Variants in LDLRAD3 observed in about 807,000 individuals in gnomAD.
LDLRAD3 encodes the protein low-density lipoprotein receptor class A domain-containing protein 3.
Under a neutral mutation model 29.4 loss-of-function variants are expected in LDLRAD3, and 20 were observed. The ratio of observed to expected loss-of-function variants is 0.68; its 90% CI spans 0.48 to 0.99. LDLRAD3 has a LOEUF of 0.99. Among genes scored for constraint, LDLRAD3 ranks in the 50% least tolerant of loss-of-function variants. The pLI is 0.00. For missense variants in LDLRAD3, 420 were observed against 454.3 expected (o/e 0.92, Z 0.69); for synonymous variants, 157 against 192.7 (o/e 0.81, Z 1.53).
At chr11:36,185,974 T>G (rs1465492562) in intron 4 of LDLRAD3, among the ~76,000 whole-genome samples, 1 of 152,182 alleles carries the variant, frequency 6.6e-6, no homozygotes, top group Non-Finnish European at 1.5e-5. Flanking sequence ...TTTTATATAT[T>G]AGAGGCCACA....
At chr11:35,993,838 T>A (rs1428090371) in intron 1 of LDLRAD3, among the ~76,000 whole-genome samples, 2 of 152,038 alleles carry the variant, frequency 1.3e-5, no homozygotes, top group Non-Finnish European at 2.9e-5. Flanking sequence ...CATAAGCAGG[T>A]CTGTTTTTTT....
intron 4 of LDLRAD3, among the ~76,000 whole-genome samples, chr11:36,174,202 C>G (rs1345792065): frequency 6.6e-6 from 1 of 152,174 alleles, no homozygotes; most frequent in Non-Finnish European, 1.5e-5. Flanking sequence ...ACACCTTACA[C>G]AAAAATTAAT....
chr11:36,061,969 T>C (rs1852707143), intron 2 of LDLRAD3, among the ~76,000 whole-genome samples: 1 of 150,000 alleles, frequency 6.7e-6, no homozygotes, highest in Non-Finnish European at 1.5e-5. Flanking sequence ...CCAAGCCACT[T>C]TGGGAACTTA....
chr11:36,006,330 G>T (rs1004499812), intron 1 of LDLRAD3, among the ~76,000 whole-genome samples: 19 of 152,216 alleles, frequency 1.2e-4, no homozygotes, highest in Non-Finnish European at 2.9e-5. Flanking sequence ...TTAGCTGGAT[G>T]CTCTTGACTT....
intron 2 of LDLRAD3, among the ~76,000 whole-genome samples, chr11:36,066,300 T>C (rs1466420899): frequency 6.6e-6 from 1 of 152,142 alleles, no homozygotes; most frequent in Non-Finnish European, 1.5e-5. Flanking sequence ...TGAATCTCTG[T>C]GCTCACATCT....
intron 2 of LDLRAD3, among the ~76,000 whole-genome samples, chr11:36,055,410 A>T (rs1260330416): frequency 6.6e-6 from 1 of 152,030 alleles, no homozygotes; most frequent in Non-Finnish European, 1.5e-5. Flanking sequence ...AAGCCATGGT[A>T]TCCAGATATT....
chr11:36,125,994 T>TTGG (rs1487571267), intron 4 of LDLRAD3, among the ~76,000 whole-genome samples: 7 of 152,200 alleles, frequency 4.6e-5, no homozygotes, highest in African/African-American at 1.7e-4. Flanking sequence ...TGAGGCCGAT[T>TTGG]TGGAGACACT....
At chr11:36,017,800 A>G (rs1357399228) in intron 1 of LDLRAD3, among the ~76,000 whole-genome samples, 1 of 152,182 alleles carries the variant, frequency 6.6e-6, no homozygotes, top group Non-Finnish European at 1.5e-5. Context: ...CTGGAATTAT[A>G]GGCATGAGCC....
intron 1 of LDLRAD3, among the ~76,000 whole-genome samples, chr11:35,995,593 T>C (rs1355409094): frequency 6.6e-6 from 1 of 152,242 alleles, no homozygotes; most frequent in Non-Finnish European, 1.5e-5. Flanking sequence ...CCTGTGAAAT[T>C]TGAAGCCAGG....
At chr11:36,180,217 C>A (rs1197710640) in intron 4 of LDLRAD3, among the ~76,000 whole-genome samples, 6 of 152,026 alleles carry the variant, frequency 3.9e-5, no homozygotes, top group African/African-American at 1.4e-4. Context: ...AGCTCTTCTT[C>A]AGCTGGGATT....
At chr11:36,013,497 CT>C (rs1357934191) in intron 1 of LDLRAD3, among the ~76,000 whole-genome samples, 1 of 149,576 alleles carries the variant, frequency 6.7e-6, no homozygotes, top group African/African-American at 2.5e-5. Flanking sequence ...GTGATATTCC[CT>C]TCCCTGTGTC....
intron 2 of LDLRAD3, among the ~76,000 whole-genome samples, chr11:36,075,303 G>GCCTTTTTCCTTGGCCTTTTTGT (rs57679288): frequency 6.6e-6 from 1 of 151,854 alleles, no homozygotes; most frequent in Non-Finnish European, 1.5e-5. Flanking sequence ...CATTTCATAT[G>GCCTTTTTCCTTGGCCTTTTTGT]CCTTTCACTG....
chr11:36,098,294 T>G (rs1853393334), intron 3 of LDLRAD3, 33 bp from the exon 4 acceptor site: 1 of 1,612,012 alleles, frequency 6.2e-7, no homozygotes, highest in South Asian at 1.1e-5. Flanking sequence ...CTTGCTGGCC[T>G]CCCTGGTAAT....
intron 4 of LDLRAD3, among the ~76,000 whole-genome samples, chr11:36,201,700 A>AG (rs1263296592): frequency 6.6e-6 from 1 of 152,256 alleles, no homozygotes; most frequent in Non-Finnish European, 1.5e-5. Context: ...TTAAACTTCT[A>AG]GCTGGCTTAG....
At chr11:36,029,830 A>G (rs902343914) in intron 1 of LDLRAD3, among the ~76,000 whole-genome samples, 1 of 152,184 alleles carries the variant, frequency 6.6e-6, no homozygotes, top group Non-Finnish European at 1.5e-5. Flanking sequence ...ATAGCTATAC[A>G]AAGTGCAGAC....
chr11:36,226,501 T>C (rs1855500241), intron 4 of LDLRAD3, among the ~76,000 whole-genome samples: 1 of 152,370 alleles, frequency 6.6e-6, no homozygotes, highest in Non-Finnish European at 1.5e-5. Flanking sequence ...CTGGATAGCA[T>C]ATGATACTTT....
intron 4 of LDLRAD3, among the ~76,000 whole-genome samples, chr11:36,110,309 G>A (rs965303048): frequency 6.6e-6 from 1 of 152,178 alleles, no homozygotes; most frequent in Non-Finnish European, 1.5e-5. Flanking sequence ...TCTTTCAGGT[G>A]CAGGTTTCCC....
intron 1 of LDLRAD3, among the ~76,000 whole-genome samples, chr11:35,988,065 G>A (rs775981785): frequency 8.6e-5 from 13 of 152,026 alleles, no homozygotes; most frequent in Middle Eastern, 3.4e-3. Flanking sequence ...TTTTTTGTTC[G>A]TTTGTTTTTT....
In LDLRAD3 at chr11:35,960,660, G is replaced by A. The variant is rs537268335; in HGVS notation, c.46+16516G>A. Among the ~76,000 whole-genome samples the A allele has an allele frequency of 4.9e-4, 75 of 152,252 alleles. 1 individual carries two copies. The highest frequency in any genetic ancestry group is 6.8e-3 in the Middle Eastern group (2 of 294). ...CGCCCAGGCTGGAGTGCAGTGGCGC[G>A]ATCTCGGCTCACTGCAACCCCCCGC... On this transcript the variant is annotated intron_variant, in intron 1 of 5. Coordinates refer to ENST00000315571, the MANE Select transcript of LDLRAD3 (RefSeq NM_174902.4).
Sources: gnomAD v4.1 joint callset for allele counts (sites outside exome capture counted in the v4.1 genomes callset) on GRCh38, gnomAD v4.1.1 for gene constraint, MANE v1.5 for transcripts, NCBI Gene and HGNC (gene_info 2026-07-23, HGNC 2026-07-21) for gene names.